Variants in IGLL5 observed in about 807,000 individuals in gnomAD.
The protein encoded by IGLL5 is immunoglobulin lambda like polypeptide 5, also known as immunoglobulin lambda-like polypeptide 5.
In IGLL5, 30 loss-of-function variants were observed where a neutral mutation model predicts 20.9. The observed-to-expected ratio is 1.44, with a 90% CI of 1.07 to 1.95. IGLL5 has a LOEUF of 1.95. IGLL5 is among the 30% of genes most tolerant of loss of function. The pLI is 0.00. For missense variants in IGLL5, 475 were observed against 270.7 expected (o/e 1.75, Z -5.30); for synonymous variants, 203 against 117.3 (o/e 1.73, Z -4.72).
chr22:22,894,145 A>C (rs2067988523), intron 2 of IGLL5, among the ~76,000 whole-genome samples: 4 of 151,420 alleles, frequency 2.6e-5, no homozygotes, highest in South Asian at 2.1e-4. Context: ...CCTTAGGGAC[A>C]TTGCCCAGTG....
intron 1 of IGLL5, among the ~76,000 whole-genome samples, chr22:22,888,488 T>A (rs544964582): frequency 1.3e-5 from 2 of 151,480 alleles, no homozygotes; most frequent in Admixed American, 6.6e-5. Flanking sequence ...CTGAGTTTTC[T>A]GGCGCCACTT....
chr22:22,889,486 A>T (rs530770373), intron 1 of IGLL5, among the ~76,000 whole-genome samples: 4 of 151,364 alleles, frequency 2.6e-5, no homozygotes, highest in African/African-American at 4.8e-5. Flanking sequence ...AAATCTTTAT[A>T]ACAAGGGTGG....
chr22:22,894,182 C>A lies in IGLL5; in HGVS notation c.325+364C>A, dbSNP rs536506741. Among the ~76,000 whole-genome samples the A allele has an allele frequency of 2.0e-5, 3 of 151,412 alleles. No homozygotes were observed. The Admixed American group carries it at 2.0e-4, about 10-fold the overall frequency. ...CTCCTGGGGTCAAGGACAGAGGCTG[C>A]TGGGGTGGGCCTGGGAGCTGCTGAG... On this transcript the variant is annotated intron_variant, in intron 2 of 2. Transcript: ENST00000526893.
chr22:22,889,733 GC>G (rs2067748404), intron 1 of IGLL5, among the ~76,000 whole-genome samples: 1 of 151,136 alleles, frequency 6.6e-6, no homozygotes, highest in Admixed American at 6.6e-5. Context: ...GACTACAGAT[GC>G]AGGCCACTAC....
Position 22,888,335 on chromosome 22 carries a change from C to A in IGLL5, c.206+76C>A, listed in dbSNP as rs141469467. The A allele has an allele frequency of 7.9e-6, 11 of 1,387,668 alleles. 1 individual carries two copies. Among genetic ancestry groups the A allele is most frequent in the Admixed American group, 2.1e-5 (1 of 47,996 alleles). The allele number at this position is 1,387,668 out of a possible 1,614,324, so 86.0% of individuals were successfully genotyped here. ...GAAAGGGTGACCAAGGGGAGACAAG[C>A]CAGAGGAGTGAGGAGGAAGGTTAAC... On this transcript the variant is annotated intron_variant, in intron 1 of 2. Transcript: ENST00000526893.
chr22:22,892,080 G>T (rs1312988162), intron 1 of IGLL5, among the ~76,000 whole-genome samples: 1 of 151,148 alleles, frequency 6.6e-6, no homozygotes, highest in African/African-American at 2.4e-5. Flanking sequence ...ACCTTGCCTT[G>T]TTTCTGATTC....
intron 2 of IGLL5, among the ~76,000 whole-genome samples, 199 bp downstream of exon 2, chr22:22,894,017 T>TGCAGCCTG: frequency 6.6e-6 from 1 of 151,542 alleles, no homozygotes; most frequent in East Asian, 2.0e-4. Context: ...AGCAGCCGGA[T>TGCAGCCTG]GCAGCCTGGT....
At position 22,887,829 on chromosome 22, in the gene IGLL5, G is replaced by T. The variant is rs2067550636; in HGVS notation, c.-225G>T. 1.7e-6 allele frequency: 1 copy of T among 602,058 alleles called. No homozygotes were observed. The highest frequency in any genetic ancestry group is 2.8e-5 in the East Asian group (1 of 35,888). The allele number at this position is 602,058 out of a possible 1,614,324, so 37.3% of individuals were successfully genotyped here. A position where few individuals can be genotyped will look rare whatever the true frequency, so the allele number is the denominator to read the frequency against. On this transcript the variant is annotated 5_prime_UTR_variant, in exon 1 of 3. Transcript: ENST00000526893. ...GAGCCCTGGATTGTGACCGCTTCAGGGCAGTTGGTAGATGCCCCTCTGGGA... is the reference window on the plus strand; with the variant it reads ...GAGCCCTGGATTGTGACCGCTTCAGTGCAGTTGGTAGATGCCCCTCTGGGA...
intron 2 of IGLL5, among the ~76,000 whole-genome samples, chr22:22,894,339 A>T (rs182871126): frequency 1.3e-5 from 2 of 151,440 alleles, no homozygotes; most frequent in Admixed American, 6.6e-5. Context: ...AATGGAGGGC[A>T]CAGAGAGGGC....
intron 2 of IGLL5, among the ~76,000 whole-genome samples, chr22:22,894,995 T>A (rs1015649383): frequency 1.3e-5 from 2 of 151,110 alleles, no homozygotes; most frequent in Admixed American, 1.3e-4. Context: ...CCTGGAAGAA[T>A]AAAGTGGGTG....
chr22:22,893,978 T>TGAC, intron 2 of IGLL5, among the ~76,000 whole-genome samples, 160 bp downstream of exon 2: 1 of 151,270 alleles, frequency 6.6e-6, no homozygotes, highest in Non-Finnish European at 1.5e-5. Flanking sequence ...AGTCTCCGGG[T>TGAC]AACCGGCAGG....
intron 2 of IGLL5, among the ~76,000 whole-genome samples, chr22:22,894,555 C>T (rs1044802468): frequency 6.6e-6 from 1 of 151,540 alleles, no homozygotes; most frequent in East Asian, 2.0e-4. Flanking sequence ...CACGGATCGG[C>T]CTCCTGCCTT....
intron 2 of IGLL5, among the ~76,000 whole-genome samples, 165 bp downstream of exon 2, chr22:22,893,983 G>T (rs564820618): frequency 1.3e-5 from 2 of 151,190 alleles, no homozygotes; most frequent in South Asian, 2.1e-4. Flanking sequence ...CCGGGTAACC[G>T]GCAGGAAGGG....
At position 22,895,447 on chromosome 22, in the gene IGLL5, C is replaced by A; in HGVS notation, c.398C>A (p.Thr133Lys). ...SSEELQANKATLVCLISDFYP... is the reference protein window; with the variant it reads ...SSEELQANKAKLVCLISDFYP... ...GAGGAGCTCCAAGCCAACAAGGCCA[C>A]ACTAGTGTGTCTGATCAGTGACTTC... Residue 133 changes from threonine to lysine, a missense_variant, in exon 3 of 3, where the codon ACA becomes AAA. Physicochemically the swap from Thr to Lys is moderately conservative, Grantham distance 78 (BLOSUM62 -1). Coordinates refer to ENST00000526893, the MANE Select transcript of IGLL5 (RefSeq NM_001178126.2). 6.2e-7 allele frequency: 1 copy of A among 1,612,920 alleles called. No individual in the cohort carries two copies. The highest frequency in any genetic ancestry group is 8.5e-7 in the Non-Finnish European group (1 of 1,179,558).
intron 1 of IGLL5, among the ~76,000 whole-genome samples, chr22:22,891,108 T>G (rs1337625435): frequency 4.0e-5 from 6 of 151,254 alleles, no homozygotes; most frequent in Admixed American, 3.3e-4. Context: ...TGTGTCGAAC[T>G]GGTTTAATCT....
At chr22:22,888,438 TG>T (rs2067597531) in intron 1 of IGLL5, among the ~76,000 whole-genome samples, 179 bp downstream of exon 1, 1 of 151,396 alleles carries the variant, frequency 6.6e-6, no homozygotes, top group Admixed American at 6.6e-5. Flanking sequence ...TTTGAATTAC[TG>T]TTTTTAATAT....
chr22:22,889,149 A>C (rs145367531), intron 1 of IGLL5, among the ~76,000 whole-genome samples: 3 of 150,996 alleles, frequency 2.0e-5, no homozygotes, highest in Middle Eastern at 3.7e-3. Flanking sequence ...GCGACGCCCG[A>C]TTAGAGGAGG....
intron 1 of IGLL5, among the ~76,000 whole-genome samples, chr22:22,889,010 A>G (rs532649171): frequency 2.6e-5 from 4 of 151,358 alleles, no homozygotes; most frequent in South Asian, 2.1e-4. Flanking sequence ...TGGGAAGGGG[A>G]GGCAAGAAGA....
chr22:22,893,394 G>T (rs972555121), intron 1 of IGLL5, among the ~76,000 whole-genome samples: 5 of 151,120 alleles, frequency 3.3e-5, no homozygotes, highest in African/African-American at 1.2e-4. Flanking sequence ...GGACTCAGAG[G>T]CCCTTTAAAT....
Sources: allele counts gnomAD v4.1 joint callset (sites outside exome capture counted in the v4.1 genomes callset), GRCh38; gene constraint gnomAD v4.1.1; transcripts MANE v1.5; gene names NCBI Gene and HGNC (gene_info 2026-07-23, HGNC 2026-07-21).